The following PALM2AKAP2 variants were observed in gnomAD, a reference collection of about 807,000 sequenced individuals.
PALM2AKAP2 encodes PALM2-AKAP2 fusion protein.
A neutral mutation model predicts 71.5 loss-of-function variants in PALM2AKAP2; 37 were observed. The ratio of observed to expected loss-of-function variants is 0.52; its 90% CI spans 0.40 to 0.68. PALM2AKAP2 has a LOEUF of 0.68. Ranked by LOEUF, PALM2AKAP2 falls within the 30% of genes least tolerant of loss-of-function variation. The pLI, the probability that PALM2AKAP2 is intolerant of heterozygous loss-of-function variation, is 0.00. For missense variants in PALM2AKAP2, 1,224 were observed against 1,191.8 expected, an observed-to-expected ratio of 1.03 and a Z score of -0.40; for synonymous variants, 468 against 478.8, an observed-to-expected ratio of 0.98 and a Z score of 0.29.
intron 1 of PALM2AKAP2, among the ~76,000 whole-genome samples, chr9:109,736,146 C>T (rs994781822): frequency 3.3e-5 from 5 of 152,082 alleles, no homozygotes; most frequent in African/African-American, 1.2e-4. Flanking sequence ...GGTTAAAATC[C>T]CCTGTGTTTT....
intron 6 of PALM2AKAP2, among the ~76,000 whole-genome samples, chr9:109,947,521 G>A (rs1416132084): frequency 6.6e-6 from 1 of 152,164 alleles, no homozygotes; most frequent in Non-Finnish European, 1.5e-5. Context: ...GAGGAGGGAG[G>A]GAACATGGTC....
chr9:109,930,950 T>C (rs1831086932), intron 5 of PALM2AKAP2, among the ~76,000 whole-genome samples: 1 of 152,166 alleles, frequency 6.6e-6, no homozygotes, highest in African/African-American at 2.4e-5. Context: ...TTTGAGGTGA[T>C]TGTGGGATAT....
At chr9:110,020,006 C>T (rs1156719872) in intron 7 of PALM2AKAP2, among the ~76,000 whole-genome samples, 2 of 152,162 alleles carry the variant, frequency 1.3e-5, no homozygotes, top group Non-Finnish European at 2.9e-5. Flanking sequence ...GCCTGGAGCT[C>T]ATTAAGCACA....
chr9:109,938,644 A>G (rs1011828189), intron 6 of PALM2AKAP2, among the ~76,000 whole-genome samples: 2 of 152,204 alleles, frequency 1.3e-5, no homozygotes, highest in African/African-American at 2.4e-5. Context: ...CCAGAGCCAT[A>G]TCACATTTAA....
intron 6 of PALM2AKAP2, among the ~76,000 whole-genome samples, chr9:109,983,749 G>A (rs765560895): frequency 4.0e-5 from 6 of 151,614 alleles, no homozygotes; most frequent in African/African-American, 7.3e-5. Flanking sequence ...CCTGTAATCC[G>A]AGCTACTTGG....
chr9:110,137,558 C>G (rs999389903), exon 2 of PALM2AKAP2: 6 of 1,614,146 alleles, frequency 3.7e-6, no homozygotes, highest in Non-Finnish European at 5.1e-6. Context: ...TACGAGCGCC[C>G]GGGCTGTCCT....
chr9:110,072,624 T>C (rs1185552301), intron 1 of PALM2AKAP2, among the ~76,000 whole-genome samples: 2 of 152,196 alleles, frequency 1.3e-5, no homozygotes, highest in Non-Finnish European at 2.9e-5. Flanking sequence ...AATCCTTGGG[T>C]GCTGGAGTAG....
At chr9:109,897,535 C>G (rs1830230321) in intron 3 of PALM2AKAP2, among the ~76,000 whole-genome samples, 1 of 152,046 alleles carries the variant, frequency 6.6e-6, no homozygotes, top group South Asian at 2.1e-4. Context: ...GCCAAGATTG[C>G]ATCACTGCAC....
At chr9:110,118,499 C>T (rs546455365) in intron 1 of PALM2AKAP2, among the ~76,000 whole-genome samples, 5 of 152,122 alleles carry the variant, frequency 3.3e-5, no homozygotes, top group Admixed American at 2.0e-4. Flanking sequence ...CTGCTCGCCT[C>T]GGCCTCCCAA....
chr9:110,072,995 T>C (rs1359020675), intron 1 of PALM2AKAP2, among the ~76,000 whole-genome samples: 1 of 152,216 alleles, frequency 6.6e-6, no homozygotes, highest in Admixed American at 6.5e-5. Context: ...GAGACATGCA[T>C]CACTATTTAT....
At chr9:109,861,615 G>C (rs563182279) in intron 1 of PALM2AKAP2, among the ~76,000 whole-genome samples, 26 of 152,228 alleles carry the variant, frequency 1.7e-4, no homozygotes, top group South Asian at 4.1e-4. Flanking sequence ...TGTCTCTTGA[G>C]GCACACTGCC....
At chr9:110,084,543 C>G (rs1834517551) in intron 1 of PALM2AKAP2, among the ~76,000 whole-genome samples, 1 of 152,150 alleles carries the variant, frequency 6.6e-6, no homozygotes, top group Admixed American at 6.5e-5. Context: ...ATACCCAAAT[C>G]TACAGATGGT....
Position 109,902,501 on chromosome 9 carries a change from C to T in PALM2AKAP2, c.258-21234C>T, listed in dbSNP as rs1830352311. Reference sequence around the variant, plus strand: ...CCTGAAAGGCCATACAGTGAGCCATCATTGTAATGAAGTAAAAGTAGCTGG... The same window carrying T: ...CCTGAAAGGCCATACAGTGAGCCATTATTGTAATGAAGTAAAAGTAGCTGG... On this transcript the variant is annotated intron_variant, in intron 3 of 9. Coordinates refer to the PALM2AKAP2 transcript ENST00000302798. Among the ~76,000 whole-genome samples, 3 of 152,236 alleles carry T rather than the reference C, an allele frequency of 2.0e-5. No homozygotes were observed. In the South Asian group the frequency reaches 6.2e-4, roughly 32 times the overall value.
At chr9:109,852,990 G>A (rs746737147) in intron 1 of PALM2AKAP2, among the ~76,000 whole-genome samples, 3 of 152,154 alleles carry the variant, frequency 2.0e-5, no homozygotes, top group Non-Finnish European at 4.4e-5. Context: ...TGTTTACTCT[G>A]TTGGTAGTTT....
chr9:110,069,567 A>T (rs79152597), intron 1 of PALM2AKAP2, among the ~76,000 whole-genome samples: 2,032 of 152,242 alleles, frequency 0.013, 37 homozygotes, highest in African/African-American at 0.047. Context: ...GTTCATGTTC[A>T]GGGGTGTAAA....
At chr9:109,986,239 T>G (rs943338121) in intron 6 of PALM2AKAP2, among the ~76,000 whole-genome samples, 1 of 148,500 alleles carries the variant, frequency 6.7e-6, no homozygotes, top group Admixed American at 7.0e-5. Context: ...TGATTGAATG[T>G]AATTAATGTG....
intron 3 of PALM2AKAP2, among the ~76,000 whole-genome samples, chr9:109,912,423 T>C (rs76434962): frequency 0.096 from 14,564 of 152,236 alleles, 840 homozygotes; most frequent in East Asian, 0.17. Context: ...TTAAGGGCCA[T>C]TAACATGTTT....
chr9:110,061,416 A>G (rs868426346), intron 1 of PALM2AKAP2, among the ~76,000 whole-genome samples: 1 of 152,084 alleles, frequency 6.6e-6, no homozygotes, highest in Non-Finnish European at 1.5e-5. Flanking sequence ...TAACTTTGAA[A>G]AAAACTATAC....
At chr9:109,858,143 A>G (rs1345067074) in intron 1 of PALM2AKAP2, among the ~76,000 whole-genome samples, 1 of 152,128 alleles carries the variant, frequency 6.6e-6, no homozygotes, top group East Asian at 1.9e-4. Flanking sequence ...CTATTTCAGT[A>G]TTTCAGACGG....
Sources: allele counts gnomAD v4.1 joint callset (sites outside exome capture counted in the v4.1 genomes callset), GRCh38; gene constraint gnomAD v4.1.1; transcripts MANE v1.5; gene names NCBI Gene and HGNC (gene_info 2026-07-23, HGNC 2026-07-21).